Variants in SHISA9 observed in about 807,000 individuals in gnomAD.
SHISA9 encodes shisa family member 9, also known as protein shisa-9.
SHISA9 carries 13 observed loss-of-function variants against 38.0 expected under a neutral mutation model. That is an observed-to-expected ratio of 0.34 (90% CI 0.22 to 0.54). The LOEUF (loss-of-function observed/expected upper bound fraction) is 0.54. SHISA9 is among the 20% of genes least tolerant of loss of function. SHISA9 has a pLI of 0.91. For synonymous variants in SHISA9, 275 were observed against 242.0 expected, an observed-to-expected ratio of 1.14 and a Z score of -1.27; for missense variants, 538 against 575.8, an observed-to-expected ratio of 0.93 and a Z score of 0.67.
intron 2 of SHISA9, among the ~76,000 whole-genome samples, chr16:13,015,977 T>TTCCCCTCCCC (rs1226834251): frequency 2.2e-5 from 1 of 46,500 alleles, no homozygotes; most frequent in Non-Finnish European, 4.7e-5. Context: ...TTCCCTTCCC[T>TTCCCCTCCCC]TCCCTTCCCT....
At chr16:13,059,761 G>C (rs139971450) in intron 2 of SHISA9, among the ~76,000 whole-genome samples, 1 of 152,162 alleles carries the variant, frequency 6.6e-6, no homozygotes, top group Non-Finnish European at 1.5e-5. Flanking sequence ...GAATGAGGTC[G>C]TTAGGGTAAG....
chr16:13,087,698 T>G (rs1395686645), intron 2 of SHISA9, among the ~76,000 whole-genome samples: 1 of 152,230 alleles, frequency 6.6e-6, no homozygotes, highest in Non-Finnish European at 1.5e-5. Context: ...GTAAATTTGT[T>G]TGAGTTCTTT....
intron 2 of SHISA9, among the ~76,000 whole-genome samples, chr16:13,045,814 C>T (rs2073181779): frequency 3.9e-5 from 6 of 152,110 alleles, no homozygotes. Context: ...GGCTTTTGTC[C>T]TTCTCCAAGC....
chr16:13,384,175 G>A, the SHISA9 span, among the ~76,000 whole-genome samples: 1 of 152,118 alleles, frequency 6.6e-6, no homozygotes, highest in Non-Finnish European at 1.5e-5. Context: ...TCTGTTCATA[G>A]GCAAATAATA....
At chr16:13,179,983 A>C (rs1376584342) in intron 2 of SHISA9, among the ~76,000 whole-genome samples, 1 of 152,148 alleles carries the variant, frequency 6.6e-6, no homozygotes, top group African/African-American at 2.4e-5. Context: ...TTACAATGTG[A>C]GAGAGCTATC....
At chr16:13,443,618 G>T in the SHISA9 span, among the ~76,000 whole-genome samples, 1 of 152,090 alleles carries the variant, frequency 6.6e-6, no homozygotes. Flanking sequence ...AATCAATTCT[G>T]CATGTTCCCA....
chr16:13,454,837 A>G, the SHISA9 span, among the ~76,000 whole-genome samples: 11 of 152,290 alleles, frequency 7.2e-5, no homozygotes, highest in South Asian at 2.1e-4. Context: ...CTTACTATTT[A>G]CTTCTATTCA....
At chr16:13,213,228 C>T in intron 3 of SHISA9, 25 bp from the exon 4 acceptor site, 1 of 1,550,314 alleles carries the variant, frequency 6.5e-7, no homozygotes, top group Non-Finnish European at 8.7e-7. Context: ...AGATCATCAG[C>T]ATTTCTTGAT....
intron 2 of SHISA9, among the ~76,000 whole-genome samples, chr16:13,069,387 GTGTA>G (rs1344634082): frequency 1.3e-4 from 20 of 152,086 alleles, no homozygotes; most frequent in Non-Finnish European, 2.7e-4. Flanking sequence ...TACATGCAAT[GTGTA>G]TGTGTGTACA....
the SHISA9 span, among the ~76,000 whole-genome samples, chr16:13,469,421 G>GAAAGAA: frequency 8.3e-6 from 1 of 120,444 alleles, no homozygotes; most frequent in Non-Finnish European, 1.8e-5. Flanking sequence ...AAGAAAGAAA[G>GAAAGAA]AAAAAGAAAG....
chr16:13,539,985 T>G, the SHISA9 span, among the ~76,000 whole-genome samples: 1 of 152,162 alleles, frequency 6.6e-6, no homozygotes, highest in East Asian at 1.9e-4. Flanking sequence ...ATTTTCTTTA[T>G]CCAGTCCACT....
At chr16:13,213,205 G>C in intron 3 of SHISA9, 48 bp from the exon 4 acceptor site, 9 of 1,523,172 alleles carry the variant, frequency 5.9e-6, no homozygotes, top group Non-Finnish European at 8.0e-6. Flanking sequence ...GTGAACATGG[G>C]TGCCCTGCAA....
Position 13,118,018 on chromosome 16 carries a change from C to T in SHISA9, c.692-85376C>T, listed in dbSNP as rs563065554. 3.6e-4 allele frequency among the ~76,000 whole-genome samples: 54 copies of T among 152,094 alleles called. 1 individual carries two copies. In the Middle Eastern group the frequency reaches 0.014, roughly 38 times the overall value. ...CCAACATGGTGAAACCCCATCTCTACTAAAAATACAAAAACTAGCTGGGCA... is the reference window on the plus strand; with the variant it reads ...CCAACATGGTGAAACCCCATCTCTATTAAAAATACAAAAACTAGCTGGGCA... On this transcript the variant is annotated intron_variant, in intron 2 of 4. Coordinates refer to ENST00000558583, the MANE Select transcript of SHISA9 (RefSeq NM_001145204.3).
the SHISA9 span, among the ~76,000 whole-genome samples, chr16:13,524,738 T>C: frequency 6.6e-6 from 1 of 152,096 alleles, no homozygotes; most frequent in Non-Finnish European, 1.5e-5. Context: ...TTTTAATTTT[T>C]TTTTTTTTTT....
In SHISA9 at chr16:13,235,313, G is replaced by C. The variant is rs199568310; in HGVS notation, c.1179G>C (p.Glu393Asp). ...ACAAGGGCAAGCTTGGCACGGCCGA[G>C]ACAGGCTCCAGCGACCCCTTGGGAA... ...YSNKGKLGTA[E>D]TGSSDPLGTR... The change falls in exon 5 of 5, where the codon GAG (glutamate) becomes GAC (aspartate). Residue 393 changes from glutamate (E) to aspartate (D), a missense_variant. Glu to Asp is a conservative substitution (Grantham distance 45, BLOSUM62 2). Around this residue, in one of 4 missense-constraint regions of SHISA9, gnomAD observed 326 missense variants for 305.9 expected, o/e 1.07. Transcript: ENST00000558583. 24 of 1,549,950 alleles carry C rather than the reference G, an allele frequency of 1.5e-5. No individual in the cohort carries two copies. The highest frequency in any genetic ancestry group is 2.7e-5 in the African/African-American group (2 of 73,030).
intron 2 of SHISA9, among the ~76,000 whole-genome samples, chr16:12,930,877 G>A (rs954495099): frequency 9.9e-5 from 15 of 152,256 alleles, no homozygotes; most frequent in African/African-American, 3.4e-4. Flanking sequence ...CAACTCCACA[G>A]ATCAATTTCA....
chr16:13,504,831 T>C, the SHISA9 span, among the ~76,000 whole-genome samples: 43,647 of 152,108 alleles, frequency 0.29, 6,834 homozygotes, highest in East Asian at 0.37. Context: ...TTCAAGAAAC[T>C]GAGTCACAGA....
intron 2 of SHISA9, among the ~76,000 whole-genome samples, chr16:12,971,765 A>T (rs1376533628): frequency 1.3e-5 from 2 of 152,196 alleles, no homozygotes; most frequent in Non-Finnish European, 2.9e-5. Context: ...CAGCCAAAGT[A>T]AGGAAAATCC....
intron 2 of SHISA9, among the ~76,000 whole-genome samples, chr16:12,930,462 C>T (rs969331118): frequency 3.3e-5 from 5 of 152,284 alleles, no homozygotes; most frequent in East Asian, 1.9e-4. Flanking sequence ...TTTCAAAGTT[C>T]GGCCCACCAA....
Sources: allele counts gnomAD v4.1 joint callset (sites outside exome capture counted in the v4.1 genomes callset), GRCh38; gene constraint gnomAD v4.1.1; regional missense constraint gnomAD v4.1.1; transcripts MANE v1.5; gene names NCBI Gene and HGNC (gene_info 2026-07-23, HGNC 2026-07-21).